CLASP2: variants seen among roughly 807,000 people sequenced by gnomAD.
CLASP2 encodes CLIP-associating protein 2.
A neutral mutation model predicts 194.4 loss-of-function variants in CLASP2; 47 were observed. That is an observed-to-expected ratio of 0.24 (90% CI 0.19 to 0.31). The LOEUF is 0.31. CLASP2 is among the 10% of genes least tolerant of loss of function. CLASP2 has a pLI of 1.00. For synonymous variants in CLASP2, 619 were observed against 633.5 expected, an observed-to-expected ratio of 0.98 and a Z score of 0.34; for missense variants, 1,445 against 1,823.6, an observed-to-expected ratio of 0.79 and a Z score of 3.78.
intron 18 of CLASP2, among the ~76,000 whole-genome samples, chr3:33,597,860 C>T (rs2070898607): frequency 6.6e-6 from 1 of 150,978 alleles, no homozygotes; most frequent in Non-Finnish European, 1.5e-5. Context: ...TCAAGTGATT[C>T]TTGTGCCTCA....
intron 9 of CLASP2, among the ~76,000 whole-genome samples, chr3:33,631,705 A>G (rs906936190): frequency 1.8e-4 from 28 of 152,184 alleles, no homozygotes; most frequent in African/African-American, 6.7e-4. Flanking sequence ...TCAAAAAAAA[A>G]AAAAAAAATT....
intron 7 of CLASP2, among the ~76,000 whole-genome samples, chr3:33,657,431 C>T (rs1276365868): frequency 3.3e-5 from 5 of 151,854 alleles, no homozygotes; most frequent in Non-Finnish European, 7.4e-5. Context: ...TTAATATATT[C>T]CTCAACAGTC....
chr3:33,634,132 A>G (rs1193378968), intron 8 of CLASP2, among the ~76,000 whole-genome samples: 2 of 152,206 alleles, frequency 1.3e-5, no homozygotes, highest in Non-Finnish European at 2.9e-5. Flanking sequence ...CAACAATTTG[A>G]ACAACAGATT....
chr3:33,685,187 A>G (rs1417980208), intron 5 of CLASP2, among the ~76,000 whole-genome samples: 3 of 150,666 alleles, frequency 2.0e-5, no homozygotes, highest in Non-Finnish European at 4.4e-5. Flanking sequence ...CTAAAAATAC[A>G]AAAAATTAGC....
chr3:33,563,537 TG>T (rs2062136157), intron 27 of CLASP2, among the ~76,000 whole-genome samples: 3 of 152,334 alleles, frequency 2.0e-5, no homozygotes, highest in Middle Eastern at 6.8e-3. Flanking sequence ...AAACCATTTT[TG>T]TAACAGGCCA....
chr3:33,586,894 G>C (rs957848833), intron 21 of CLASP2, among the ~76,000 whole-genome samples: 20 of 152,086 alleles, frequency 1.3e-4, no homozygotes, highest in Admixed American at 8.5e-4. Context: ...GTAAAGCAGG[G>C]AGTAGTAAGA....
chr3:33,711,631 T>A (rs1484193543), intron 1 of CLASP2, among the ~76,000 whole-genome samples: 1 of 151,524 alleles, frequency 6.6e-6, no homozygotes, highest in Admixed American at 6.6e-5. Flanking sequence ...AGAATGAATG[T>A]AAGGACTAAT....
At chr3:33,582,000 G>T (rs2066272900) in intron 22 of CLASP2, 72 bp from the exon 23 acceptor site, 4 of 1,102,042 alleles carry the variant, frequency 3.6e-6, no homozygotes, top group Non-Finnish European at 5.3e-6. Flanking sequence ...AAAAAATTTT[G>T]TTTTTTTCTT....
At chr3:33,701,877 A>G (rs1287460615) in intron 1 of CLASP2, among the ~76,000 whole-genome samples, 1 of 152,206 alleles carries the variant, frequency 6.6e-6, no homozygotes, top group Non-Finnish European at 1.5e-5. Flanking sequence ...AAGAAAACAC[A>G]GGAGAAAATC....
chr3:33,577,065 A>AG, intron 23 of CLASP2: 1 of 782,356 alleles, frequency 1.3e-6, no homozygotes. Context: ...AAAAGAAAAA[A>AG]AAAGTTTATT....
chr3:33,696,731 G>T, intron 2 of CLASP2, 124 bp downstream of exon 2: 1 of 733,478 alleles, frequency 1.4e-6, no homozygotes, highest in Non-Finnish European at 2.3e-6. Context: ...CTCCCAAAGT[G>T]CTGGGATTAC....
At chr3:33,600,260 T>A (rs887237050) in intron 18 of CLASP2, among the ~76,000 whole-genome samples, 2 of 152,138 alleles carry the variant, frequency 1.3e-5, no homozygotes, top group African/African-American at 4.8e-5. Context: ...TAATGTTAAA[T>A]AGGGCCAAGA....
chr3:33,717,393 G>A (rs936956105), intron 1 of CLASP2, among the ~76,000 whole-genome samples: 1 of 152,116 alleles, frequency 6.6e-6, no homozygotes, highest in East Asian at 1.9e-4. Flanking sequence ...TGCCCAGTGG[G>A]GACGCGGGAC....
Position 33,500,417 on chromosome 3 carries a change from A to G in CLASP2, c.4434+1235T>C, listed in dbSNP as rs1043451392. ...ATTACTGGCTACCTACTGTTCTGAT[A>G]AAGTGCTGAATTTTAATTGTTTTGG... On this transcript the variant is annotated intron_variant, in intron 38 of 38. Transcript: ENST00000682230. Among the ~76,000 whole-genome samples the G allele has an allele frequency of 3.3e-5, 5 of 152,300 alleles. No homozygotes were observed. In the East Asian group the frequency reaches 7.7e-4, roughly 24 times the overall value.
At chr3:33,597,756 CT>C (rs558732745) in intron 18 of CLASP2, among the ~76,000 whole-genome samples, 1,917 of 137,666 alleles carry the variant, frequency 0.014, 24 homozygotes, top group African/African-American at 0.038. Flanking sequence ...TCTTTTCTTT[CT>C]TTTTTTTTTT....
intron 1 of CLASP2, among the ~76,000 whole-genome samples, chr3:33,717,140 A>AG (rs1200251232): frequency 1.1e-4 from 16 of 152,202 alleles, no homozygotes; most frequent in African/African-American, 3.9e-4. Flanking sequence ...GCATTAGCCT[A>AG]TCTACTAAGA....
intron 7 of CLASP2, among the ~76,000 whole-genome samples, chr3:33,651,511 C>T (rs2083209052): frequency 6.6e-6 from 1 of 151,528 alleles, no homozygotes; most frequent in South Asian, 2.1e-4. Flanking sequence ...AAATCTAATA[C>T]ATTCTGAATT....
At chr3:33,544,442 T>G (rs1281419288) in intron 31 of CLASP2, among the ~76,000 whole-genome samples, 1 of 152,174 alleles carries the variant, frequency 6.6e-6, no homozygotes, top group Non-Finnish European at 1.5e-5. Context: ...TTTGCTCACG[T>G]TTTGCTTTTC....
chr3:33,533,455 G>C (rs1470674110), intron 34 of CLASP2, among the ~76,000 whole-genome samples: 2 of 152,050 alleles, frequency 1.3e-5, no homozygotes, highest in African/African-American at 4.8e-5. Flanking sequence ...TACAAGTGAA[G>C]CTATTTCTTG....
Sources: allele counts gnomAD v4.1 joint callset (sites outside exome capture counted in the v4.1 genomes callset), GRCh38; gene constraint gnomAD v4.1.1; transcripts MANE v1.5; gene names NCBI Gene and HGNC (gene_info 2026-07-23, HGNC 2026-07-21).